Variants in RNF220 observed in about 807,000 individuals in gnomAD.
The protein encoded by RNF220 is ring finger protein 220.
RNF220 carries 7 observed loss-of-function variants against 67.1 expected under a neutral mutation model. That is an observed-to-expected ratio of 0.10 (90% CI 0.06 to 0.20). RNF220 has a LOEUF of 0.20. Among genes scored for constraint, RNF220 ranks in the 10% least tolerant of loss-of-function variants. RNF220 has a pLI of 1.00. For synonymous variants in RNF220, 270 were observed against 283.2 expected, an observed-to-expected ratio of 0.95 and a Z score of 0.47; for missense variants, 565 against 740.3, an observed-to-expected ratio of 0.76 and a Z score of 2.75.
At chr1:44,562,465 G>T (rs557713284) in intron 2 of RNF220, among the ~76,000 whole-genome samples, 1 of 152,180 alleles carries the variant, frequency 6.6e-6, no homozygotes, top group Non-Finnish European at 1.5e-5. Context: ...CTTTGGAGGT[G>T]ATTAGTAATA....
At chr1:44,414,486 C>T (rs1412491718) in intron 2 of RNF220, among the ~76,000 whole-genome samples, 2 of 152,128 alleles carry the variant, frequency 1.3e-5, no homozygotes, top group Non-Finnish European at 2.9e-5. Flanking sequence ...AACCTGTATC[C>T]GACTCCAGAG....
At position 44,455,404 on chromosome 1, in the gene RNF220, G is replaced by A. The variant is rs183292682; in HGVS notation, c.625+42682G>A. Among the ~76,000 whole-genome samples, 313 of 152,288 alleles carry A rather than the reference G, an allele frequency of 2.1e-3. 1 individual carries two copies. The highest frequency in any genetic ancestry group is 3.1e-3 in the Admixed American group (48 of 15,282). ...AGAAAAGAAATGAAAATAAAATGAT[G>A]CATAGGAAGGCAGCGGTGAGTGCAT... is the stretch of plus-strand genomic sequence containing the variant. On this transcript the variant is annotated intron_variant, in intron 2 of 14. Coordinates refer to ENST00000361799, the MANE Select transcript of RNF220 (RefSeq NM_018150.4).
At chr1:44,494,063 G>A (rs1423060724) in intron 2 of RNF220, among the ~76,000 whole-genome samples, 8 of 151,740 alleles carry the variant, frequency 5.3e-5, no homozygotes, top group Non-Finnish European at 1.0e-4. Flanking sequence ...AAAATTAGCC[G>A]GGCATGGTGG....
At chr1:44,638,721 T>C (rs1644403245) in intron 8 of RNF220, among the ~76,000 whole-genome samples, 1 of 152,110 alleles carries the variant, frequency 6.6e-6, no homozygotes, top group Non-Finnish European at 1.5e-5. Context: ...TGGGGACCTG[T>C]GGTTACTGAG....
intron 2 of RNF220, among the ~76,000 whole-genome samples, chr1:44,484,053 C>T (rs546274923): frequency 1.3e-5 from 2 of 152,296 alleles, no homozygotes; most frequent in South Asian, 4.1e-4. Context: ...CTCCTTCCTT[C>T]CTTGTTCTTC....
Position 44,622,688 on chromosome 1 carries a change from G to A in RNF220, c.759-54G>A. ...GGGGTCTTCTTGCTACTCTACCGTT[G>A]CATGCCCTGGGCAGCAGGTAGAATG... On this transcript the variant is annotated intron_variant, in intron 3 of 14. Coordinates refer to ENST00000361799, the MANE Select transcript of RNF220 (RefSeq NM_018150.4). This position sits in a 1 kb window ranked among gnomAD's most constrained non-coding sequence, Gnocchi z 4.3. The A allele has an allele frequency of 6.6e-7, 1 of 1,523,464 alleles. No individual in the cohort carries two copies. The highest frequency in any genetic ancestry group is 1.7e-5 in the Admixed American group (1 of 59,774). 94.4% of individuals were successfully genotyped at this position (1,523,464 alleles called of 1,614,324 possible).
At chr1:44,448,923 C>T (rs994697294) in intron 2 of RNF220, among the ~76,000 whole-genome samples, 9 of 152,158 alleles carry the variant, frequency 5.9e-5, no homozygotes, top group African/African-American at 2.2e-4. Context: ...TGAGTATTGG[C>T]CTCCCAGACA....
At chr1:44,631,982 C>CGCCGCCGCCGCTTGGAGCTGAAGT in intron 5 of RNF220, 2 of 986,640 alleles carry the variant, frequency 2.0e-6, no homozygotes, top group African/African-American at 1.7e-5. Context: ...CCAACATGGC[C>CGCCGCCGCCGCTTGGAGCTGAAGT]GCCGCCGCCG....
At chr1:44,443,331 A>G (rs1572517653) in intron 2 of RNF220, among the ~76,000 whole-genome samples, 2 of 152,162 alleles carry the variant, frequency 1.3e-5, no homozygotes, top group Admixed American at 6.5e-5. Context: ...TTCATGGCCT[A>G]ACAATTCTGC....
chr1:44,477,159 C>T (rs546295325), intron 2 of RNF220, among the ~76,000 whole-genome samples: 3 of 152,318 alleles, frequency 2.0e-5, no homozygotes, highest in South Asian at 4.1e-4. Context: ...AGTTCATTCA[C>T]TCACTTAAAA....
intron 2 of RNF220, among the ~76,000 whole-genome samples, chr1:44,486,010 CTATGCTGTGTCATTT>C (rs1656266761): frequency 6.6e-6 from 1 of 152,180 alleles, no homozygotes; most frequent in Non-Finnish European, 1.5e-5. Flanking sequence ...GGGCTTAGAG[CTATGCTGTGTCATTT>C]TATTTTTTAT....
intron 2 of RNF220, among the ~76,000 whole-genome samples, chr1:44,454,258 T>C (rs1468422436): frequency 6.6e-6 from 1 of 152,196 alleles, no homozygotes; most frequent in Non-Finnish European, 1.5e-5. Context: ...TTGAAACTGA[T>C]GGTTTTTGGA....
intron 2 of RNF220, among the ~76,000 whole-genome samples, chr1:44,570,483 C>A (rs1371766695): frequency 6.6e-6 from 1 of 152,166 alleles, no homozygotes; most frequent in Non-Finnish European, 1.5e-5. Context: ...TTATGTTGGA[C>A]TAAGGAAAGT....
intron 3 of RNF220, among the ~76,000 whole-genome samples, chr1:44,616,860 C>G (rs1425079549): frequency 6.6e-6 from 1 of 152,158 alleles, no homozygotes; most frequent in African/African-American, 2.4e-5. Context: ...GAGGGCCACA[C>G]TACAGTGCAG....
At chr1:44,519,841 G>T (rs1335417713) in intron 2 of RNF220, among the ~76,000 whole-genome samples, 1 of 152,114 alleles carries the variant, frequency 6.6e-6, no homozygotes, top group African/African-American at 2.4e-5. Context: ...GGACCAAATT[G>T]TTAAGAGCCT....
chr1:44,475,678 A>G (rs1282839058), intron 2 of RNF220, among the ~76,000 whole-genome samples: 1 of 151,224 alleles, frequency 6.6e-6, no homozygotes, highest in Non-Finnish European at 1.5e-5. Context: ...GTTTCTCTGT[A>G]ATAGGATTTA....
chr1:44,517,817 G>A (rs928894132), intron 2 of RNF220, among the ~76,000 whole-genome samples: 8 of 152,286 alleles, frequency 5.3e-5, no homozygotes, highest in East Asian at 1.9e-4. Flanking sequence ...ATTTAAATCC[G>A]CCTCTAGGGC....
At chr1:44,409,021 G>C (rs1404748098) in intron 1 of RNF220, 1 of 152,262 alleles carries the variant, frequency 6.6e-6, no homozygotes, top group Non-Finnish European at 1.5e-5. Flanking sequence ...GCAGAGCGCG[G>C]AGCGCTGCGC....
At chr1:44,603,955 ACAGCTGC>A (rs1268767752) in intron 2 of RNF220, among the ~76,000 whole-genome samples, 3 of 152,240 alleles carry the variant, frequency 2.0e-5, no homozygotes, top group Non-Finnish European at 4.4e-5. Context: ...TTTATTGCCC[ACAGCTGC>A]GGAGGTTCCC....
Sources: gnomAD v4.1 joint callset for allele counts (sites outside exome capture counted in the v4.1 genomes callset) on GRCh38, gnomAD v4.1.1 for gene constraint, Gnocchi (gnomAD v3.1) non-coding constraint, MANE v1.5 for transcripts, NCBI Gene and HGNC (gene_info 2026-07-23, HGNC 2026-07-21) for gene names.